BCAS1: variants seen among roughly 807,000 people sequenced by gnomAD.
BCAS1 encodes the protein brain enriched myelin associated protein 1.
In BCAS1, 46 loss-of-function variants were observed where a neutral mutation model predicts 65.4. The ratio of observed to expected loss-of-function variants is 0.70; its 90% CI spans 0.55 to 0.90. The LOEUF (loss-of-function observed/expected upper bound fraction) is 0.90. Ranked by LOEUF, BCAS1 falls within the 40% of genes least tolerant of loss-of-function variation. The pLI, the probability that BCAS1 is intolerant of heterozygous loss-of-function variation, is 0.00. For missense variants in BCAS1, 793 were observed against 771.2 expected (o/e 1.03, Z -0.33); for synonymous variants, 298 against 293.5 (o/e 1.02, Z -0.16).
chr20:54,017,916 C>G (rs752162114), intron 4 of BCAS1, among the ~76,000 whole-genome samples: 2 of 152,002 alleles, frequency 1.3e-5, no homozygotes, highest in Non-Finnish European at 2.9e-5. Context: ...AAACAAAAAA[C>G]AAACAAAAAC....
intron 4 of BCAS1, among the ~76,000 whole-genome samples, chr20:54,024,455 G>A (rs988599930): frequency 6.6e-6 from 1 of 152,190 alleles, no homozygotes; most frequent in Non-Finnish European, 1.5e-5. Context: ...TGGGGATGTA[G>A]AAATTCAAGT....
chr20:53,944,953 A>G lies in BCAS1; in HGVS notation c.1859T>C (p.Val620Ala). Residue 620 changes from valine (V) to alanine (A), a missense_variant, in exon 13 of 13, where the codon GTA (valine) becomes GCA (alanine). Val to Ala is a moderately conservative substitution (Grantham distance 64, BLOSUM62 0). Transcript: ENST00000688948. The stretch of plus-strand genomic sequence containing the variant: ...GGATTTGCCAACTGGTCCGATGGAT[A>G]CTGGGTCTGTTTGCACTTGAGCATC... ...MLDAQVQTDP[V>A]SIGPVGKSK is the part of the protein sequence containing the mutation. 6.2e-7 allele frequency: 1 copy of G among 1,614,078 alleles called. No homozygotes were observed. Among genetic ancestry groups the G allele is most frequent in the Non-Finnish European group, 8.5e-7 (1 of 1,180,004 alleles).
At chr20:53,995,781 A>G in intron 5 of BCAS1, 111 bp downstream of exon 5, 1 of 1,230,176 alleles carries the variant, frequency 8.1e-7, no homozygotes, top group Non-Finnish European at 1.1e-6. Flanking sequence ...ATGCTCCAAC[A>G]GCACCATGAT....
At chr20:54,065,721 C>G (rs2146374134) in intron 1 of BCAS1, among the ~76,000 whole-genome samples, 1 of 152,314 alleles carries the variant, frequency 6.6e-6, no homozygotes, top group East Asian at 1.9e-4. Flanking sequence ...TGAAATAGCG[C>G]AAGCCCTCTG....
intron 6 of BCAS1, among the ~76,000 whole-genome samples, 155 bp from the exon 7 acceptor site, chr20:53,992,801 C>T (rs2145827320): frequency 6.6e-6 from 1 of 152,180 alleles, no homozygotes; most frequent in Admixed American, 6.5e-5. Context: ...AAATGTTTAT[C>T]TTTTTTAAAC....
intron 3 of BCAS1, among the ~76,000 whole-genome samples, chr20:54,034,592 C>A (rs997555950): frequency 6.6e-6 from 1 of 151,132 alleles, no homozygotes; most frequent in Non-Finnish European, 1.5e-5. Context: ...TGAAAGATCT[C>A]TACAAGGAGA....
At chr20:53,977,084 G>A (rs1236049023) in intron 8 of BCAS1, among the ~76,000 whole-genome samples, 1 of 152,138 alleles carries the variant, frequency 6.6e-6, no homozygotes, top group African/African-American at 2.4e-5. Context: ...ATCTTACATG[G>A]TGGCAGGCAA....
intron 12 of BCAS1, among the ~76,000 whole-genome samples, chr20:53,953,178 A>G (rs1023902330): frequency 6.6e-6 from 1 of 152,160 alleles, no homozygotes; most frequent in South Asian, 2.1e-4. Flanking sequence ...CATGAACTCT[A>G]TGAGTTAGGC....
intron 4 of BCAS1, among the ~76,000 whole-genome samples, chr20:54,005,719 G>A (rs1400418389): frequency 6.6e-6 from 1 of 152,138 alleles, no homozygotes; most frequent in Non-Finnish European, 1.5e-5. Flanking sequence ...AGAAGGGAGA[G>A]GGAGACTTGA....
At chr20:54,044,769 C>T (rs919674397) in intron 3 of BCAS1, among the ~76,000 whole-genome samples, 18 of 148,688 alleles carry the variant, frequency 1.2e-4, no homozygotes, top group Non-Finnish European at 2.2e-4. Context: ...ACCCAGGAGG[C>T]GGAGGTTGCA....
At chr20:54,024,849 G>T (rs1223328216) in intron 4 of BCAS1, among the ~76,000 whole-genome samples, 2 of 152,178 alleles carry the variant, frequency 1.3e-5, no homozygotes, top group African/African-American at 2.4e-5. Flanking sequence ...CATCATGGTG[G>T]CTGTGACAAG....
intron 7 of BCAS1, among the ~76,000 whole-genome samples, chr20:53,990,419 T>G (rs1341734854): frequency 6.6e-6 from 1 of 152,212 alleles, no homozygotes; most frequent in Non-Finnish European, 1.5e-5. Flanking sequence ...GATTTCAGAC[T>G]TCCCTACTTT....
chr20:53,947,892 A>T (rs997188423), intron 12 of BCAS1, among the ~76,000 whole-genome samples: 1 of 152,210 alleles, frequency 6.6e-6, no homozygotes, highest in Non-Finnish European at 1.5e-5. Context: ...CTGACTAGTT[A>T]AACCTCACAA....
intron 1 of BCAS1, among the ~76,000 whole-genome samples, chr20:54,060,049 G>C (rs2092357384): frequency 6.6e-6 from 1 of 152,174 alleles, no homozygotes. Context: ...CCACAAACGA[G>C]GTTGTTTCTG....
intron 4 of BCAS1, among the ~76,000 whole-genome samples, chr20:54,022,209 C>T (rs568263732): frequency 1.3e-5 from 2 of 152,230 alleles, no homozygotes; most frequent in South Asian, 4.2e-4. Context: ...ACCTGAACTC[C>T]CCTACCTCTA....
intron 4 of BCAS1, among the ~76,000 whole-genome samples, chr20:54,012,996 C>G (rs577892452): frequency 6.6e-6 from 1 of 152,290 alleles, no homozygotes; most frequent in African/African-American, 2.4e-5. Context: ...GTTCCTGCCA[C>G]TTTATTCCTT....
At chr20:54,051,724 T>TG (rs1601003968) in intron 3 of BCAS1, among the ~76,000 whole-genome samples, 2 of 132,432 alleles carry the variant, frequency 1.5e-5, no homozygotes, top group African/African-American at 2.7e-5. Context: ...GTTTTTTTTT[T>TG]GTTTGTTGTT....
chr20:53,956,658 C>T (rs1346025856), intron 11 of BCAS1, among the ~76,000 whole-genome samples: 1 of 141,326 alleles, frequency 7.1e-6, no homozygotes, highest in African/African-American at 2.7e-5. Flanking sequence ...CTAAGTCACA[C>T]AGCAAAAAAA....
In BCAS1 at chr20:53,944,838, C is replaced by T. The variant is rs2089255071; in HGVS notation, c.*84G>A. ...TTGCTGGCCATCAGAAGAATATATACATGGAGCGTGTTTGGGGAGGAGATG... is the reference window on the plus strand; with the variant it reads ...TTGCTGGCCATCAGAAGAATATATATATGGAGCGTGTTTGGGGAGGAGATG... On this transcript the variant is annotated 3_prime_UTR_variant, in exon 13 of 13. Coordinates refer to ENST00000688948, the MANE Select transcript of BCAS1 (RefSeq NM_001366298.2). The T allele has an allele frequency of 8.0e-7, 1 of 1,252,350 alleles. No individual in the cohort carries two copies. The highest frequency in any genetic ancestry group is 1.2e-6 in the Non-Finnish European group (1 of 850,766). 77.6% of individuals were successfully genotyped at this position (1,252,350 alleles called of 1,614,324 possible). A position where few individuals can be genotyped will look rare whatever the true frequency, so the allele number is the denominator to read the frequency against.
Sources: gnomAD v4.1 joint callset for allele counts (sites outside exome capture counted in the v4.1 genomes callset) on GRCh38, gnomAD v4.1.1 for gene constraint, MANE v1.5 for transcripts, NCBI Gene and HGNC (gene_info 2026-07-23, HGNC 2026-07-21) for gene names.